The following RAB38 variants were observed in gnomAD, a reference collection of about 807,000 sequenced individuals.
RAB38 encodes the protein ras-related protein Rab-38.
In RAB38, 15 loss-of-function variants were observed where a neutral mutation model predicts 18.4. The ratio of observed to expected loss-of-function variants is 0.82; its 90% CI spans 0.55 to 1.26. The LOEUF is 1.26. RAB38 is among the 50% of genes most tolerant of loss of function. The probability of loss-of-function intolerance (pLI) is 0.00; values close to 1 mark genes in which losing one functional copy is unlikely to be tolerated. For synonymous variants in RAB38, 101 were observed against 104.4 expected (o/e 0.97, Z 0.20); for missense variants, 294 against 267.4 (o/e 1.10, Z -0.69).
At chr11:88,138,932 G>A (rs372844878) in intron 2 of RAB38, among the ~76,000 whole-genome samples, 30 of 151,958 alleles carry the variant, frequency 2.0e-4, no homozygotes, top group African/African-American at 6.0e-4. Context: ...ACAGGCGCCC[G>A]CCACCACGCC....
chr11:87,950,378 C>G, the RAB38 span, among the ~76,000 whole-genome samples: 16 of 152,224 alleles, frequency 1.1e-4, no homozygotes, highest in East Asian at 1.3e-3. Context: ...GCATTTAGCC[C>G]ATTTACATTT....
chr11:87,915,589 C>T, the RAB38 span, among the ~76,000 whole-genome samples: 2 of 152,086 alleles, frequency 1.3e-5, no homozygotes, highest in Admixed American at 6.6e-5. Context: ...CTGGGAATTG[C>T]CCACCCCTTT....
At chr11:87,965,277 G>A in the RAB38 span, among the ~76,000 whole-genome samples, 9 of 128,708 alleles carry the variant, frequency 7.0e-5, no homozygotes, top group Non-Finnish European at 1.1e-4. Context: ...AACATCATCT[G>A]TTAATGTGTC....
At chr11:88,174,793 C>T (rs950325870) in intron 1 of RAB38, among the ~76,000 whole-genome samples, 2 of 152,206 alleles carry the variant, frequency 1.3e-5, no homozygotes, top group Non-Finnish European at 2.9e-5. Flanking sequence ...TAGGGGCTTC[C>T]CCTCGGTCCG....
chr11:88,115,205 T>C (rs1464292280), intron 2 of RAB38, among the ~76,000 whole-genome samples: 1 of 152,150 alleles, frequency 6.6e-6, no homozygotes, highest in Non-Finnish European at 1.5e-5. Flanking sequence ...AATTTGATTG[T>C]TTTTAATCAC....
chr11:88,136,142 G>C (rs1038108114), intron 2 of RAB38, among the ~76,000 whole-genome samples: 2 of 152,126 alleles, frequency 1.3e-5, no homozygotes, highest in African/African-American at 2.4e-5. Context: ...GACACCACAG[G>C]CTAACCCAGC....
the RAB38 span, among the ~76,000 whole-genome samples, chr11:87,912,897 TA>T: frequency 6.6e-6 from 1 of 151,654 alleles, no homozygotes; most frequent in African/African-American, 2.4e-5. Flanking sequence ...TATTTTACTT[TA>T]AGTTCTGGGA....
chr11:87,815,569 G>T, the RAB38 span: 3 of 152,174 alleles, frequency 2.0e-5, no homozygotes, highest in Admixed American at 6.5e-5. Flanking sequence ...AATAAAAGCT[G>T]AATAGTTGCT....
the RAB38 span, among the ~76,000 whole-genome samples, chr11:87,945,167 A>G: frequency 6.6e-6 from 1 of 152,300 alleles, no homozygotes; most frequent in South Asian, 2.1e-4. Context: ...CGAGAGTAGA[A>G]TTAAGAATGG....
chr11:87,921,024 A>G, the RAB38 span, among the ~76,000 whole-genome samples: 6 of 152,204 alleles, frequency 3.9e-5, no homozygotes, highest in Admixed American at 3.9e-4. Flanking sequence ...TTGATGCATC[A>G]TAACAGGACA....
chr11:88,043,938 AT>A, the RAB38 span, among the ~76,000 whole-genome samples: 10 of 152,316 alleles, frequency 6.6e-5, no homozygotes, highest in South Asian at 2.1e-3. Context: ...CATCTCACCA[AT>A]TTTAAATCTA....
chr11:88,088,815 C>T, the RAB38 span, among the ~76,000 whole-genome samples: 5,010 of 151,804 alleles, frequency 0.033, 222 homozygotes, highest in South Asian at 0.073. Context: ...TAAGGTTACA[C>T]ATCAAGAAAA....
chr11:87,808,180 A>G, the RAB38 span, among the ~76,000 whole-genome samples: 4 of 152,224 alleles, frequency 2.6e-5, no homozygotes, highest in Non-Finnish European at 5.9e-5. Flanking sequence ...TAGAACTACC[A>G]TATGATCGAG....
At chr11:88,087,947 T>C in the RAB38 span, among the ~76,000 whole-genome samples, 1 of 151,934 alleles carries the variant, frequency 6.6e-6, no homozygotes, top group Non-Finnish European at 1.5e-5. Context: ...GGTAAGATAT[T>C]TCTCCTTAAT....
At chr11:87,840,414 T>A in the RAB38 span, among the ~76,000 whole-genome samples, 1 of 152,202 alleles carries the variant, frequency 6.6e-6, no homozygotes, top group African/African-American at 2.4e-5. Context: ...AAGTTGGCGA[T>A]TGGATTTCGC....
the RAB38 span, among the ~76,000 whole-genome samples, chr11:87,921,785 T>C: frequency 6.6e-6 from 1 of 151,668 alleles, no homozygotes; most frequent in Non-Finnish European, 1.5e-5. Context: ...TATTGGTTGG[T>C]AGAGCCTTTT....
the RAB38 span, among the ~76,000 whole-genome samples, chr11:87,887,129 G>A: frequency 9.9e-5 from 15 of 152,010 alleles, no homozygotes; most frequent in South Asian, 1.7e-3. Flanking sequence ...ACCAAAAGCC[G>A]AGCAGGCTTG....
the RAB38 span, among the ~76,000 whole-genome samples, chr11:87,971,338 G>C: frequency 2.0e-5 from 3 of 152,198 alleles, no homozygotes; most frequent in South Asian, 6.2e-4. Context: ...TGCTTCAAGG[G>C]TGTTTCCAGA....
chr11:88,083,483 T>C, the RAB38 span, among the ~76,000 whole-genome samples: 1 of 151,908 alleles, frequency 6.6e-6, no homozygotes, highest in African/African-American at 2.4e-5. Context: ...CATTTTAGAT[T>C]TAATTAAATA....
Sources: allele counts gnomAD v4.1 joint callset (sites outside exome capture counted in the v4.1 genomes callset), GRCh38; gene constraint gnomAD v4.1.1; transcripts MANE v1.5; gene names NCBI Gene and HGNC (gene_info 2026-07-23, HGNC 2026-07-21).